The following PGA3 variants were observed in gnomAD, a reference collection of about 807,000 sequenced individuals.
PGA3 encodes the protein pepsin A-3.
PGA3 carries 1 observed loss-of-function variant against 15.6 expected under a neutral mutation model. The ratio of observed to expected loss-of-function variants is 0.06; its 90% CI spans 0.02 to 0.30. The LOEUF (loss-of-function observed/expected upper bound fraction) is 0.30, where lower values mean the gene tolerates loss of function less well. Ranked by LOEUF, PGA3 falls within the 10% of genes least tolerant of loss-of-function variation. The pLI is 1.00. For synonymous variants in PGA3, 14 were observed against 79.5 expected (o/e 0.18, Z 4.38); for missense variants, 29 against 183.7 (o/e 0.16, Z 4.87).
Position 61,207,474 on chromosome 11 carries a change from ACACT to A in PGA3, c.338-19_338-16del. ...ACCTTCACCCAGCTCTCAGAGAATA[ACACT>A]CACCGCTTGTCCTTGCAGCCAACCA... On this transcript the variant is annotated intron_variant, in intron 3 of 8. Transcript: ENST00000325558. 1.4e-6 allele frequency: 1 copy of A among 694,256 alleles called. No individual in the cohort carries two copies. The highest frequency in any genetic ancestry group is 2.4e-5 in the East Asian group (1 of 41,196). 43.0% of individuals were successfully genotyped at this position (694,256 alleles called of 1,614,324 possible).
chr11:61,203,739 C>T, intron 1 of PGA3, 119 bp downstream of exon 1: 4 of 1,558,826 alleles, frequency 2.6e-6, no homozygotes, highest in South Asian at 1.1e-5. Flanking sequence ...TCCCCCTTTT[C>T]CGCCTCTCTC....
chr11:61,211,275 T>G lies in PGA3; in HGVS notation c.918+41T>G. 2.8e-6 allele frequency: 2 copies of G among 722,122 alleles called. 1 individual carries two copies. The highest frequency in any genetic ancestry group is 4.7e-6 in the Non-Finnish European group (2 of 425,274). The allele number at this position is 722,122 out of a possible 1,614,324, so 44.7% of individuals were successfully genotyped here. A position where few individuals can be genotyped will look rare whatever the true frequency, so the allele number is the denominator to read the frequency against. On this transcript the variant is annotated intron_variant, in intron 7 of 8. Transcript: ENST00000325558. ...ACTGCTCTGTTCTACACTCAAGTAG[T>G]GGGTGTGCCAGGCAGAAGGGACAGA... is the stretch of plus-strand genomic sequence containing the variant.
At chr11:61,203,675 C>A in intron 1 of PGA3, 55 bp downstream of exon 1, 1 of 1,608,246 alleles carries the variant, frequency 6.2e-7, no homozygotes, top group Non-Finnish European at 8.5e-7. Context: ...ACCTTTCTTT[C>A]CTCCCGTGTC....
At chr11:61,205,041 G>A (rs1167654810) in intron 2 of PGA3, among the ~76,000 whole-genome samples, 2 of 152,182 alleles carry the variant, frequency 1.3e-5, no homozygotes, top group African/African-American at 4.8e-5. Flanking sequence ...AGTGATGCCC[G>A]TGGTTCAGAG....
rs1853945616 is a variant in PGA3, at chr11:61,211,447, C to A, written c.1017+12C>A. ...CCTACATCCTGCAGGTGAGGAGGCT[C>A]TGGACCATCCACTAGAGGGGTTCAC... On this transcript the variant is annotated intron_variant, in intron 8 of 8. Transcript: ENST00000325558. 1.5e-6 allele frequency: 1 copy of A among 663,404 alleles called. No homozygotes were observed. Among genetic ancestry groups the A allele is most frequent in the African/African-American group, 1.9e-5 (1 of 53,960 alleles). The allele number at this position is 663,404 out of a possible 1,614,324, so 41.1% of individuals were successfully genotyped here.
rs1306032844 is a variant in PGA3, at chr11:61,205,108, C to G, written c.219+839C>G. Among the ~76,000 whole-genome samples the G allele has an allele frequency of 2.0e-5, 3 of 152,134 alleles. No homozygotes were observed. In the South Asian group the frequency reaches 6.2e-4, roughly 32 times the overall value. ...AAATATGGGTCCTAGTGCCTCTAAGCCACAGGACCTTGGCCAAGTCATTTA... is the reference window on the plus strand; with the variant it reads ...AAATATGGGTCCTAGTGCCTCTAAGGCACAGGACCTTGGCCAAGTCATTTA... On this transcript the variant is annotated intron_variant, in intron 2 of 8. Transcript: ENST00000325558.
chr11:61,211,319 C>T lies in PGA3; in HGVS notation c.919-18C>T. 2.0e-6 allele frequency: 2 copies of T among 988,446 alleles called. No individual in the cohort carries two copies. Among genetic ancestry groups the T allele is most frequent in the East Asian group, 2.5e-5 (1 of 39,974 alleles). 61.2% of individuals were successfully genotyped at this position (988,446 alleles called of 1,614,324 possible). ...GGACAGAAACCCTTCTAACTTTTCT[C>T]ACCCTCACTCTTTCCAGATGGTGGT... On this transcript the variant is annotated intron_variant, in intron 7 of 8. Transcript: ENST00000325558.
chr11:61,211,705 G>A (rs559889828), intron 8 of PGA3, among the ~76,000 whole-genome samples: 31 of 150,330 alleles, frequency 2.1e-4, no homozygotes, highest in African/African-American at 5.3e-4. Flanking sequence ...TCCAAGTCCT[G>A]GGTCTGAATT....
intron 2 of PGA3, chr11:61,204,583 G>C: frequency 1.7e-6 from 1 of 578,750 alleles, no homozygotes; most frequent in South Asian, 2.2e-5. Flanking sequence ...TCATCAAGGG[G>C]TCTCGCAAAG....
chr11:61,203,651 C>T (rs908506600), intron 1 of PGA3, 31 bp downstream of exon 1: 1 of 1,607,180 alleles, frequency 6.2e-7, no homozygotes, highest in Non-Finnish European at 8.5e-7. Context: ...TGTGAAGACG[C>T]TGCCTCCCAC....
chr11:61,211,674 G>A (rs1417103647), intron 8 of PGA3, among the ~76,000 whole-genome samples: 2 of 150,386 alleles, frequency 1.3e-5, no homozygotes, highest in African/African-American at 4.8e-5. Flanking sequence ...GTGAAAAGAG[G>A]ATTCTATTTG....
chr11:61,207,182 CACTGGCT>C (rs1853931845), intron 3 of PGA3, among the ~76,000 whole-genome samples: 1 of 109,854 alleles, frequency 9.1e-6, no homozygotes, highest in African/African-American at 2.9e-5. Flanking sequence ...ATAACGGGAG[CACTGGCT>C]GGGGGCTAGA....
chr11:61,212,003 G>A, intron 8 of PGA3: 1 of 344,120 alleles, frequency 2.9e-6, no homozygotes, highest in Non-Finnish European at 5.8e-6. Flanking sequence ...AACTAATTTT[G>A]CCAGTGGACT....
At chr11:61,210,939 G>A in intron 6 of PGA3, 151 bp from the exon 7 acceptor site, 2 of 101,486 alleles carry the variant, frequency 2.0e-5, no homozygotes, top group African/African-American at 4.5e-4. Context: ...ATGAATGCGG[G>A]ACGAATGAGT....
intron 2 of PGA3, 122 bp downstream of exon 2, chr11:61,204,391 GC>G (rs1263184274): frequency 1.6e-6 from 1 of 640,786 alleles, no homozygotes; most frequent in Non-Finnish European, 2.5e-6. Flanking sequence ...CCCAGAGTCT[GC>G]CCCCTAGATG....
chr11:61,204,101 C>CCT lies in PGA3; in HGVS notation c.57-5_57-4insTC. 4.8e-6 allele frequency: 6 copies of CCT among 1,257,524 alleles called. No individual in the cohort carries two copies. The highest frequency in any genetic ancestry group is 6.7e-6 in the Non-Finnish European group (6 of 895,384). The allele number at this position is 1,257,524 out of a possible 1,614,324, so 77.9% of individuals were successfully genotyped here. A position where few individuals can be genotyped will look rare whatever the true frequency, so the allele number is the denominator to read the frequency against. On this transcript the variant is annotated splice_polypyrimidine_tract_variant and splice_region_variant and intron_variant, in intron 1 of 8. Transcript: ENST00000325558. ...GCCTAATTCCTCTTCCTTCTCCAAACCACAGGGTCCCCCTCATCAGAAAGA... is the reference window on the plus strand; with the variant it reads ...GCCTAATTCCTCTTCCTTCTCCAAACCTCACAGGGTCCCCCTCATCAGAAAGA...
rs192410287 is a variant in PGA3, at chr11:61,203,739, C to A, written c.56+119C>A. 9,202 of 1,558,780 alleles carry A rather than the reference C, an allele frequency of 5.9e-3. 31 individuals are homozygous for A. Among genetic ancestry groups the A allele is most frequent in the Middle Eastern group, 0.033 (141 of 4,306 alleles). ...ATTCAGCTGTCTCCATCCCCCTTTT[C>A]CGCCTCTCTCTCTGCCTTTTTGGGA... On this transcript the variant is annotated intron_variant, in intron 1 of 8. Transcript: ENST00000325558.
intron 2 of PGA3, among the ~76,000 whole-genome samples, chr11:61,205,075 C>G (rs1200030336): frequency 6.6e-6 from 1 of 152,146 alleles, no homozygotes; most frequent in African/African-American, 2.4e-5. Flanking sequence ...ATCCAGCAGA[C>G]CTGGTGCAAA....
intron 2 of PGA3, chr11:61,204,825 C>T (rs553616007): frequency 2.4e-4 from 39 of 165,728 alleles, no homozygotes; most frequent in Non-Finnish European, 3.5e-4. Flanking sequence ...CTGCAGACTG[C>T]GGTCCGAGGA....
Sources: gnomAD v4.1 joint callset for allele counts (sites outside exome capture counted in the v4.1 genomes callset) on GRCh38, gnomAD v4.1.1 for gene constraint, MANE v1.5 for transcripts, NCBI Gene and HGNC (gene_info 2026-07-23, HGNC 2026-07-21) for gene names.